Variants in PILRA observed in about 807,000 individuals in gnomAD.
The protein encoded by PILRA is paired immunoglobulin-like type 2 receptor alpha.
In PILRA, 37 loss-of-function variants were observed where a neutral mutation model predicts 33.1. The ratio of observed to expected loss-of-function variants is 1.12; its 90% CI spans 0.86 to 1.47. The LOEUF is 1.47. Ranked by LOEUF, PILRA falls within the 40% of genes most tolerant of loss-of-function variation. The pLI, the probability that PILRA is intolerant of heterozygous loss-of-function variation, is 0.00. For synonymous variants in PILRA, 146 were observed against 149.9 expected, an observed-to-expected ratio of 0.97 and a Z score of 0.19; for missense variants, 312 against 376.2, an observed-to-expected ratio of 0.83 and a Z score of 1.41.
Position 100,398,072 on chromosome 7 carries a change from T to C in PILRA, c.707+160T>C, listed in dbSNP as rs544612777. Among the ~76,000 whole-genome samples the C allele has an allele frequency of 7.9e-5, 12 of 152,288 alleles. No individual in the cohort carries two copies. In the South Asian group the frequency reaches 2.3e-3, roughly 29 times the overall value. ...CCCATCCTTGTTCTCCTTTGTCCTC[T>C]AGGGGCCAGGCTCTTGACCTTGGGC... On this transcript the variant is annotated intron_variant, in intron 4 of 6. Coordinates refer to ENST00000198536, the MANE Select transcript of PILRA (RefSeq NM_013439.3).
At chr7:100,397,409 G>T (rs887266192) in intron 3 of PILRA, among the ~76,000 whole-genome samples, 26 of 150,714 alleles carry the variant, frequency 1.7e-4, no homozygotes, top group Admixed American at 7.9e-4. Context: ...AACAGAATTT[G>T]AACAGCCACA....
At position 100,399,862 on chromosome 7, in the gene PILRA, C is replaced by G; in HGVS notation, c.867C>G (p.Leu289=). Residue 289 remains leucine (L), a synonymous_variant, in exon 7 of 7, where the codon CTC becomes CTG. Coordinates refer to ENST00000198536, the MANE Select transcript of PILRA (RefSeq NM_013439.3). ...GAGCACCTCCCAGCCACCGTCCCCT[C>G]AAGAGCCCCCAGAACGAGACCCTGT... ...SPRAPPSHRP[L]KSPQNETLYS... is the part of the protein sequence containing the mutation. 1 of 1,613,634 alleles carries G rather than the reference C, an allele frequency of 6.2e-7. No homozygotes were observed. Among genetic ancestry groups the G allele is most frequent in the Non-Finnish European group, 8.5e-7 (1 of 1,179,764 alleles).
chr7:100,375,732 A>G (rs1016791608), intron 2 of PILRA, among the ~76,000 whole-genome samples: 1 of 146,600 alleles, frequency 6.8e-6, no homozygotes, highest in Non-Finnish European at 1.5e-5. Context: ...ACTCCGCCTC[A>G]AACAAACAAA....
At chr7:100,383,889 G>T (rs577138570) in intron 2 of PILRA, among the ~76,000 whole-genome samples, 1 of 152,080 alleles carries the variant, frequency 6.6e-6, no homozygotes, top group Non-Finnish European at 1.5e-5. Flanking sequence ...CGCCTGCCTC[G>T]GCCTCCCAAA....
intron 4 of PILRA, 21 bp downstream of exon 4, chr7:100,397,933 G>A: frequency 1.2e-6 from 2 of 1,612,928 alleles, no homozygotes; most frequent in Non-Finnish European, 1.7e-6. Context: ...GGCCTCCCCA[G>A]GGTGGGTTGG....
intron 2 of PILRA, among the ~76,000 whole-genome samples, chr7:100,381,134 C>T (rs1473112693): frequency 2.0e-5 from 3 of 148,952 alleles, no homozygotes; most frequent in Non-Finnish European, 4.5e-5. Flanking sequence ...GGTGTGGTGG[C>T]GGGCACCTGT....
chr7:100,372,879 C>T (rs903205295), upstream of PILRA, among the ~76,000 whole-genome samples: 5 of 151,414 alleles, frequency 3.3e-5, no homozygotes, highest in Non-Finnish European at 5.9e-5. Context: ...TAGGGCGGGA[C>T]GTCAGAGGGG....
chr7:100,374,210 C>T lies in PILRA; in HGVS notation c.231C>T (p.His77=), dbSNP rs756778819. 1.1e-5 allele frequency: 17 copies of T among 1,614,010 alleles called. No individual in the cohort carries two copies. The highest frequency in any genetic ancestry group is 1.3e-5 in the African/African-American group (1 of 74,874). The change falls in exon 2 of 7, where the codon CAC becomes CAT. Residue 77 remains histidine, a synonymous_variant. Transcript: ENST00000198536. ...VRISWRRGHF[H]RQSFYSTRPP... is the part of the protein sequence containing the mutation. ...TATCCTGGAGACGGGGCCACTTCCA[C>T]AGGCAGTCCTTCTACAGCACAAGGC...
At chr7:100,384,559 C>G (rs1056669077) in intron 2 of PILRA, among the ~76,000 whole-genome samples, 5 of 151,578 alleles carry the variant, frequency 3.3e-5, no homozygotes, top group African/African-American at 4.9e-5. Flanking sequence ...CCACACCTGG[C>G]TAATTTTTTT....
chr7:100,382,001 AC>A (rs1181591005), intron 2 of PILRA, among the ~76,000 whole-genome samples: 28 of 97,724 alleles, frequency 2.9e-4, no homozygotes, highest in African/African-American at 1.1e-3. Flanking sequence ...CTCAGTCCCC[AC>A]CCCCACCCCC....
chr7:100,393,680 G>C (rs1791435355), intron 3 of PILRA, among the ~76,000 whole-genome samples: 1 of 152,072 alleles, frequency 6.6e-6, no homozygotes, highest in Non-Finnish European at 1.5e-5. Context: ...ACTGTTCTTA[G>C]ACACTCAGGT....
Position 100,373,721 on chromosome 7 carries a change from G to T in PILRA, c.64+1G>T. The T allele has an allele frequency of 1.2e-6, 2 of 1,613,168 alleles. No individual in the cohort carries two copies. The highest frequency in any genetic ancestry group is 8.5e-7 in the Non-Finnish European group (1 of 1,179,966). On this transcript the variant is annotated splice_donor_variant, in intron 1 of 6. Coordinates refer to ENST00000198536, the MANE Select transcript of PILRA (RefSeq NM_013439.3). LOFTEE classifies it high-confidence loss of function. ...CTGCCGCCAGCATTTCTGCAGCCTA[G>T]TGAGTACCCAGGACCACCCAGATGT...
upstream of PILRA, among the ~76,000 whole-genome samples, chr7:100,372,318 G>A (rs1790835645): frequency 6.6e-6 from 1 of 152,148 alleles, no homozygotes; most frequent in Admixed American, 6.5e-5. Flanking sequence ...GGGCCGGCCT[G>A]GCTGGCCCTG....
chr7:100,382,301 G>C (rs1307117764), intron 2 of PILRA, among the ~76,000 whole-genome samples: 1 of 152,178 alleles, frequency 6.6e-6, no homozygotes, highest in Non-Finnish European at 1.5e-5. Flanking sequence ...GCACCAATCA[G>C]TACCCTGTGT....
At chr7:100,396,437 G>C (rs777697582) in intron 3 of PILRA, among the ~76,000 whole-genome samples, 5 of 152,194 alleles carry the variant, frequency 3.3e-5, no homozygotes, top group Non-Finnish European at 7.3e-5. Flanking sequence ...TGGATCACCT[G>C]AGGTCAGGAG....
chr7:100,398,336 C>T (rs1791543203), intron 4 of PILRA, among the ~76,000 whole-genome samples: 1 of 152,190 alleles, frequency 6.6e-6, no homozygotes, highest in Non-Finnish European at 1.5e-5. Context: ...CTTCCTCTGC[C>T]TCCAGCTCCT....
intron 2 of PILRA, among the ~76,000 whole-genome samples, chr7:100,383,645 T>A (rs972007176): frequency 7.5e-4 from 113 of 151,540 alleles, no homozygotes; most frequent in Non-Finnish European, 1.3e-3. Flanking sequence ...TTTTTTTTTT[T>A]AATTTTTTTG....
intron 2 of PILRA, among the ~76,000 whole-genome samples, chr7:100,380,674 G>C (rs1791069462): frequency 6.6e-6 from 1 of 152,060 alleles, no homozygotes; most frequent in Admixed American, 6.6e-5. Flanking sequence ...TTTAAAAATT[G>C]GCTGGGTGTG....
intron 2 of PILRA, among the ~76,000 whole-genome samples, chr7:100,382,709 C>CT (rs562017516): frequency 2.0e-4 from 30 of 152,048 alleles, no homozygotes; most frequent in Middle Eastern, 3.4e-3. Context: ...TGGAAAGTTT[C>CT]TTTTTTTTGC....
Sources: gnomAD v4.1 joint callset for allele counts (sites outside exome capture counted in the v4.1 genomes callset) on GRCh38, gnomAD v4.1.1 for gene constraint, MANE v1.5 for transcripts, NCBI Gene and HGNC (gene_info 2026-07-23, HGNC 2026-07-21) for gene names.